Variants in ASCC1 observed in about 807,000 individuals in gnomAD.
ASCC1 encodes activating signal cointegrator 1 complex subunit 1, also known as ASC-1 complex subunit P50.
ASCC1 carries 35 observed loss-of-function variants against 46.6 expected under a neutral mutation model. That is an observed-to-expected ratio of 0.75 (90% CI 0.57 to 0.99). The LOEUF is 0.99. ASCC1 is among the 50% of genes least tolerant of loss of function. The pLI is 0.00. For synonymous variants in ASCC1, 143 were observed against 146.6 expected, an observed-to-expected ratio of 0.98 and a Z score of 0.18; for missense variants, 376 against 428.7, an observed-to-expected ratio of 0.88 and a Z score of 1.09.
In ASCC1 at chr10:72,156,638, G is replaced by A. The variant is rs185810309; in HGVS notation, c.627-3650C>T. On this transcript the variant is annotated intron_variant, in intron 6 of 9. Coordinates refer to ENST00000672957, the MANE Select transcript of ASCC1 (RefSeq NM_001198800.3). ...ATACAAAAAACTAGCCGGGCGTGGT[G>A]GCGGGCGCCTGTAGTCCCGGCTACT... Among the ~76,000 whole-genome samples the A allele has an allele frequency of 1.5e-3, 230 of 152,196 alleles. 1 individual carries two copies. Among genetic ancestry groups the A allele is most frequent in the Non-Finnish European group, 2.7e-3 (183 of 68,004 alleles).
chr10:72,096,401 G>C lies in ASCC1; in HGVS notation c.*933C>G, dbSNP rs533130187. 1 of 454,144 alleles carries C rather than the reference G, an allele frequency of 2.2e-6. No individual in the cohort carries two copies. Among genetic ancestry groups the C allele is most frequent in the Non-Finnish European group, 4.4e-6 (1 of 226,804 alleles). 28.1% of individuals were successfully genotyped at this position (454,144 alleles called of 1,614,324 possible). On this transcript the variant is annotated 3_prime_UTR_variant, in exon 10 of 10. Coordinates refer to ENST00000672957, the MANE Select transcript of ASCC1 (RefSeq NM_001198800.3). ...CTTGAAAAGTAAACAAAAAAGGGCT[G>C]CAACACTGCAACTCCATCAGGGGCA... is the stretch of plus-strand genomic sequence containing the variant.
At chr10:72,187,919 C>T (rs1254838938) in intron 5 of ASCC1, among the ~76,000 whole-genome samples, 1 of 151,084 alleles carries the variant, frequency 6.6e-6, no homozygotes, top group Non-Finnish European at 1.5e-5. Context: ...AACCACTGCA[C>T]TTCAGCCTGG....
At chr10:72,185,699 G>C (rs1853353479) in intron 5 of ASCC1, among the ~76,000 whole-genome samples, 1 of 152,136 alleles carries the variant, frequency 6.6e-6, no homozygotes, top group Non-Finnish European at 1.5e-5. Context: ...AGAAATATTT[G>C]AGGGTGACAT....
At chr10:72,168,650 CT>C (rs986040924) in intron 5 of ASCC1, among the ~76,000 whole-genome samples, 1 of 152,094 alleles carries the variant, frequency 6.6e-6, no homozygotes, top group African/African-American at 2.4e-5. Flanking sequence ...GAGACAGGGC[CT>C]TTTGGGGATA....
intron 5 of ASCC1, among the ~76,000 whole-genome samples, chr10:72,168,637 T>C (rs1850675186): frequency 6.6e-6 from 1 of 152,218 alleles, no homozygotes; most frequent in Admixed American, 6.5e-5. Context: ...GTAAATGTAT[T>C]TGGAGACAGG....
intron 5 of ASCC1, among the ~76,000 whole-genome samples, chr10:72,175,760 C>A (rs146422636): frequency 3.0e-4 from 45 of 152,304 alleles, no homozygotes; most frequent in African/African-American, 1.0e-3. Flanking sequence ...CACAAAGAAT[C>A]CTTCAGCCTA....
At chr10:72,122,522 C>T (rs936283618) in intron 9 of ASCC1, among the ~76,000 whole-genome samples, 1 of 151,900 alleles carries the variant, frequency 6.6e-6, no homozygotes. Context: ...TAGCTCACTC[C>T]TATAATCCCA....
At chr10:72,184,641 G>A (rs1043608244) in intron 5 of ASCC1, among the ~76,000 whole-genome samples, 2 of 151,978 alleles carry the variant, frequency 1.3e-5, no homozygotes, top group East Asian at 3.9e-4. Context: ...AAGAGAAATA[G>A]ATGAATCCAC....
chr10:72,136,269 A>G (rs1846180456), intron 7 of ASCC1, among the ~76,000 whole-genome samples: 1 of 152,006 alleles, frequency 6.6e-6, no homozygotes, highest in Non-Finnish European at 1.5e-5. Flanking sequence ...ACCAATCGGC[A>G]CTCTGTAAAA....
At chr10:72,135,950 T>C (rs529596597) in intron 7 of ASCC1, among the ~76,000 whole-genome samples, 1 of 152,294 alleles carries the variant, frequency 6.6e-6, no homozygotes, top group African/African-American at 2.4e-5. Context: ...GAAGGCCACA[T>C]GGGTCAGGCA....
intron 4 of ASCC1, among the ~76,000 whole-genome samples, chr10:72,200,844 T>C (rs903149577): frequency 8.5e-5 from 13 of 152,146 alleles, no homozygotes; most frequent in African/African-American, 2.7e-4. Flanking sequence ...ATGCTAGAGT[T>C]TGTTGACATT....
chr10:72,124,193 C>T (rs1844563899), intron 9 of ASCC1, among the ~76,000 whole-genome samples: 1 of 152,080 alleles, frequency 6.6e-6, no homozygotes, highest in African/African-American at 2.4e-5. Context: ...AAAATTAATA[C>T]AGTTAGTTTA....
In ASCC1 at chr10:72,131,439, T is replaced by TACACACACACACACACAC. The variant is rs71927487; in HGVS notation, c.871+1600_871+1617dup. ...CCATTTCAAAAAAATAAAATAAAAATACACACACACACACACACACACACA... is the reference window on the plus strand; with the variant it reads ...CCATTTCAAAAAAATAAAATAAAAATACACACACACACACACACACACACACACACACACACACACACA... On this transcript the variant is annotated intron_variant, in intron 8 of 9. Transcript: ENST00000672957. Among the ~76,000 whole-genome samples the TACACACACACACACACAC allele has an allele frequency of 3.0e-3, 416 of 139,412 alleles. 1 individual carries two copies. The highest frequency in any genetic ancestry group is 5.8e-3 in the African/African-American group (211 of 36,314). The allele number at this position is 139,412 out of a possible 152,430, so 91.5% of individuals were successfully genotyped here. A position where few individuals can be genotyped will look rare whatever the true frequency, so the allele number is the denominator to read the frequency against.
chr10:72,182,261 G>A (rs1852736380), intron 5 of ASCC1, among the ~76,000 whole-genome samples: 1 of 152,176 alleles, frequency 6.6e-6, no homozygotes, highest in African/African-American at 2.4e-5. Flanking sequence ...CTTCAAAGTG[G>A]TAGAAAACTT....
chr10:72,191,588 A>G (rs2133193594), intron 5 of ASCC1, among the ~76,000 whole-genome samples: 1 of 152,276 alleles, frequency 6.6e-6, no homozygotes, highest in South Asian at 2.1e-4. Context: ...ATCTAAATAT[A>G]AAAAACCAAA....
rs567475621 is a variant in ASCC1, at chr10:72,162,835, C to T, written c.490-1161G>A. Reference sequence around the variant, plus strand: ...GCAGGCGCCTGTAATCCCACATACTCGGGAGGCTGACACAGGAGAATCGCT... The same window carrying T: ...GCAGGCGCCTGTAATCCCACATACTTGGGAGGCTGACACAGGAGAATCGCT... On this transcript the variant is annotated intron_variant, in intron 5 of 9. Transcript: ENST00000672957. Among the ~76,000 whole-genome samples the T allele has an allele frequency of 3.3e-5, 5 of 151,662 alleles. No individual in the cohort carries two copies. The East Asian group carries it at 7.8e-4, about 24-fold the overall frequency.
In ASCC1 at chr10:72,133,111, T is replaced by G; in HGVS notation, c.817A>C (p.Ser273Arg). ...ASGLIVKEWN[S>R]VKLHATVMNT... ...ATAACTGTAGCATGCAGTTTCACAC[T>G]ATTCCACTCTTTCACTATTAGTCCA... The change falls in exon 8 of 10, where the codon AGT becomes CGT. Residue 273 changes from serine to arginine, a missense_variant. Physicochemically the swap from Ser to Arg is moderately radical, Grantham distance 110 (BLOSUM62 -1). Coordinates refer to ENST00000672957, the MANE Select transcript of ASCC1 (RefSeq NM_001198800.3). The G allele has an allele frequency of 6.2e-7, 1 of 1,614,030 alleles. No individual in the cohort carries two copies. The highest frequency in any genetic ancestry group is 1.1e-5 in the South Asian group (1 of 91,080).
At chr10:72,190,779 C>G (rs543052844) in intron 5 of ASCC1, among the ~76,000 whole-genome samples, 1 of 151,810 alleles carries the variant, frequency 6.6e-6, no homozygotes, top group Admixed American at 6.6e-5. Flanking sequence ...AGACAGATCA[C>G]GAGGTCAAGA....
At chr10:72,123,058 C>A (rs930907269) in intron 9 of ASCC1, among the ~76,000 whole-genome samples, 2 of 152,168 alleles carry the variant, frequency 1.3e-5, no homozygotes, top group Non-Finnish European at 2.9e-5. Flanking sequence ...AGAGCAGAGG[C>A]TGGGCGCGGT....
Sources: allele counts gnomAD v4.1 joint callset (sites outside exome capture counted in the v4.1 genomes callset), GRCh38; gene constraint gnomAD v4.1.1; transcripts MANE v1.5; gene names NCBI Gene and HGNC (gene_info 2026-07-23, HGNC 2026-07-21).